CSMD1: variants seen among roughly 807,000 people sequenced by gnomAD.
CSMD1 encodes CUB and Sushi multiple domains 1.
In CSMD1, 213 loss-of-function variants were observed where a neutral mutation model predicts 417.5. That is an observed-to-expected ratio of 0.51 (90% CI 0.46 to 0.57). The LOEUF is 0.57. CSMD1 is among the 20% of genes least tolerant of loss of function. CSMD1 has a pLI of 0.00. For synonymous variants in CSMD1, 2,862 were observed against 1,736.8 expected (o/e 1.65, Z -16.11); for missense variants, 6,923 against 4,529.7 (o/e 1.53, Z -15.17).
chr8:4,170,417 C>T (rs1324411868), intron 3 of CSMD1, among the ~76,000 whole-genome samples: 4 of 151,854 alleles, frequency 2.6e-5, no homozygotes, highest in Non-Finnish European at 4.4e-5. Context: ...TGCATGTATA[C>T]CTTGAATTTA....
chr8:3,058,445 A>G (rs1585246317), intron 49 of CSMD1, among the ~76,000 whole-genome samples: 1 of 152,340 alleles, frequency 6.6e-6, no homozygotes, highest in East Asian at 1.9e-4. Flanking sequence ...TTGATACACG[A>G]AAACAATCAC....
At position 4,925,537 on chromosome 8, in the gene CSMD1, C is replaced by CTT. The variant is rs113682113; in HGVS notation, c.85+68793_85+68794dup. 1.4e-3 allele frequency among the ~76,000 whole-genome samples: 202 copies of CTT among 145,858 alleles called. 8 individuals are homozygous for CTT. In the East Asian group the frequency reaches 0.015, roughly 11 times the overall value. ...ACGTGGGTATTCTGTCTGGCATTTT[C>CTT]TTTTTTTTTTCTTTTTTCTTTTTTT... is the stretch of plus-strand genomic sequence containing the variant. On this transcript the variant is annotated intron_variant, in intron 1 of 69. Coordinates refer to ENST00000635120, the MANE Select transcript of CSMD1 (RefSeq NM_033225.6).
rs548119461 is a variant in CSMD1, at chr8:2,982,895, T to A, written c.8378-4095A>T. The stretch of plus-strand genomic sequence containing the variant: ...GCCACCTGTCTGCACGCTGGTCTCT[T>A]ATAGGCAGCTTGGCTCTAAGCTGAA... On this transcript the variant is annotated intron_variant, in intron 54 of 69. Transcript: ENST00000635120. Among the ~76,000 whole-genome samples the A allele has an allele frequency of 5.2e-4, 79 of 152,090 alleles. 2 individuals carry two copies. Among genetic ancestry groups the A allele is most frequent in the Admixed American group, 7.2e-4 (11 of 15,268 alleles).
chr8:3,898,607 T>A (rs1418986880), intron 5 of CSMD1, among the ~76,000 whole-genome samples: 2 of 152,216 alleles, frequency 1.3e-5, no homozygotes, highest in Non-Finnish European at 2.9e-5. Context: ...GGGGGCTGAA[T>A]GTTTACTAAA....
At chr8:3,430,944 A>C (rs1814180345) in intron 12 of CSMD1, among the ~76,000 whole-genome samples, 1 of 152,230 alleles carries the variant, frequency 6.6e-6, no homozygotes, top group Non-Finnish European at 1.5e-5. Context: ...CATGACTAGT[A>C]AACTGGAGGG....
intron 3 of CSMD1, among the ~76,000 whole-genome samples, chr8:4,174,649 A>G (rs1264252092): frequency 6.9e-6 from 1 of 145,190 alleles, no homozygotes; most frequent in African/African-American, 2.6e-5. Context: ...GAATGTAGGA[A>G]TTATAGGAAA....
At chr8:3,432,047 C>T (rs184179391) in intron 12 of CSMD1, among the ~76,000 whole-genome samples, 31 of 152,210 alleles carry the variant, frequency 2.0e-4, no homozygotes, top group Non-Finnish European at 3.5e-4. Flanking sequence ...GAAGTTCCTA[C>T]TCTGAAAATT....
intron 18 of CSMD1, 149 bp from the exon 19 acceptor site, chr8:3,369,519 G>C (rs941474323): frequency 1.7e-6 from 1 of 590,850 alleles, no homozygotes; most frequent in Non-Finnish European, 3.0e-6. Flanking sequence ...TGAGCTTTAT[G>C]TTACTTGCAA....
intron 36 of CSMD1, among the ~76,000 whole-genome samples, chr8:3,185,891 G>C (rs1398883928): frequency 6.6e-6 from 1 of 152,178 alleles, no homozygotes; most frequent in African/African-American, 2.4e-5. Flanking sequence ...TTCAATATCT[G>C]AGTGTAGAGA....
intron 10 of CSMD1, among the ~76,000 whole-genome samples, chr8:3,520,779 AC>A (rs1306792254): frequency 6.6e-6 from 1 of 151,840 alleles, no homozygotes; most frequent in African/African-American, 2.4e-5. Context: ...CAGTCTCCAA[AC>A]CCCATCACCA....
At chr8:4,592,969 G>A (rs1168535820) in intron 2 of CSMD1, among the ~76,000 whole-genome samples, 1 of 152,082 alleles carries the variant, frequency 6.6e-6, no homozygotes, top group Non-Finnish European at 1.5e-5. Context: ...TTCTATATGT[G>A]TTTTCTCAGG....
intron 2 of CSMD1, among the ~76,000 whole-genome samples, chr8:4,637,115 T>C (rs1385032462): frequency 6.6e-6 from 1 of 152,198 alleles, no homozygotes; most frequent in African/African-American, 2.4e-5. Context: ...TTATTCGCTC[T>C]TAGCAATAAA....
intron 3 of CSMD1, among the ~76,000 whole-genome samples, chr8:4,148,826 A>C (rs191899320): frequency 6.6e-6 from 1 of 152,166 alleles, no homozygotes; most frequent in Non-Finnish European, 1.5e-5. Flanking sequence ...TCAGTCCCTC[A>C]TGCTGCCTTT....
chr8:3,334,400 G>A (rs1265592809), intron 23 of CSMD1, among the ~76,000 whole-genome samples: 1 of 152,136 alleles, frequency 6.6e-6, no homozygotes, highest in Non-Finnish European at 1.5e-5. Flanking sequence ...TCCTGAGAGT[G>A]TATTCCTGTC....
At chr8:3,271,986 G>T (rs573180819) in intron 26 of CSMD1, among the ~76,000 whole-genome samples, 3 of 151,942 alleles carry the variant, frequency 2.0e-5, no homozygotes, top group Non-Finnish European at 1.5e-5. Context: ...TTTTGTGTTT[G>T]AGACATGCAG....
Position 3,049,778 on chromosome 8 carries a change from T to G in CSMD1, c.7660+2684A>C, listed in dbSNP as rs1476054797. Among the ~76,000 whole-genome samples, 3 of 152,094 alleles carry G rather than the reference T, an allele frequency of 2.0e-5. No homozygotes were observed. In the East Asian group the frequency reaches 5.8e-4, roughly 29 times the overall value. ...GTGAACGCTGGGCTCTGGGTGATGA[T>G]GGTATGTCAATGTAGGTGCATCCAT... On this transcript the variant is annotated intron_variant, in intron 50 of 69. Transcript: ENST00000635120.
intron 10 of CSMD1, among the ~76,000 whole-genome samples, chr8:3,496,310 G>C (rs957191656): frequency 1.3e-5 from 2 of 152,076 alleles, no homozygotes; most frequent in Non-Finnish European, 2.9e-5. Flanking sequence ...TGGCAGTTTT[G>C]GTTGGTTTGC....
chr8:3,216,660 C>T (rs547240761), intron 29 of CSMD1, among the ~76,000 whole-genome samples: 4 of 152,320 alleles, frequency 2.6e-5, no homozygotes, highest in African/African-American at 7.2e-5. Flanking sequence ...ATCACTGGCA[C>T]ATTTTTTGCT....
At chr8:4,557,570 T>C (rs1436347154) in intron 2 of CSMD1, among the ~76,000 whole-genome samples, 1 of 150,742 alleles carries the variant, frequency 6.6e-6, no homozygotes, top group East Asian at 1.9e-4. Context: ...AACAACAGTA[T>C]TAAGATACTT....
Sources: gnomAD v4.1 joint callset for allele counts (sites outside exome capture counted in the v4.1 genomes callset) on GRCh38, gnomAD v4.1.1 for gene constraint, MANE v1.5 for transcripts, NCBI Gene and HGNC (gene_info 2026-07-23, HGNC 2026-07-21) for gene names.